The following DACH1 variants were observed in gnomAD, a reference collection of about 807,000 sequenced individuals.
DACH1 encodes the protein dachshund homolog 1.
Under a neutral mutation model 54.2 loss-of-function variants are expected in DACH1, and 12 were observed. The observed-to-expected ratio is 0.22, with a 90% CI of 0.14 to 0.36. DACH1 has a LOEUF of 0.36. Ranked by LOEUF, DACH1 falls within the 10% of genes least tolerant of loss-of-function variation. The probability of loss-of-function intolerance (pLI) is 1.00; values close to 1 mark genes in which losing one functional copy is unlikely to be tolerated. For missense variants in DACH1, 805 were observed against 929.8 expected (o/e 0.87, Z 1.75); for synonymous variants, 386 against 366.2 (o/e 1.05, Z -0.62).
chr13:71,700,560 C>A (rs535545147), intron 1 of DACH1, among the ~76,000 whole-genome samples: 4 of 98,240 alleles, frequency 4.1e-5, no homozygotes, highest in African/African-American at 2.0e-4. Flanking sequence ...TGCAAGACTC[C>A]ATCTCAAAAA....
intron 2 of DACH1, among the ~76,000 whole-genome samples, chr13:71,650,686 T>C (rs1878604539): frequency 6.6e-6 from 1 of 152,136 alleles, no homozygotes; most frequent in South Asian, 2.1e-4. Context: ...TAAGAGACTC[T>C]AAACTCTATT....
chr13:71,557,563 T>C (rs1022494207), intron 5 of DACH1, among the ~76,000 whole-genome samples: 4 of 152,042 alleles, frequency 2.6e-5, no homozygotes, highest in African/African-American at 9.7e-5. Context: ...ATTTGCATAG[T>C]CTTAAGATAT....
chr13:71,628,195 AGCT>A (rs1444686166), intron 3 of DACH1, among the ~76,000 whole-genome samples: 1 of 152,034 alleles, frequency 6.6e-6, no homozygotes, highest in Non-Finnish European at 1.5e-5. Flanking sequence ...TGGCCATCAA[AGCT>A]GCAATTCAGG....
rs559136037 is a variant in DACH1, at chr13:71,605,965, T to G, written c.1126+24591A>C. 2.6e-5 allele frequency among the ~76,000 whole-genome samples: 4 copies of G among 152,182 alleles called. No individual in the cohort carries two copies. In the East Asian group the frequency reaches 7.7e-4, roughly 29 times the overall value. ...GTTTGGTGGCACTTTGCAGCTATCA[T>G]GTGTTGAACTGGCAGAGTGACTCAC... On this transcript the variant is annotated intron_variant, in intron 3 of 10. Transcript: ENST00000613252.
intron 1 of DACH1, among the ~76,000 whole-genome samples, chr13:71,817,789 A>ATTTTCTTT (rs1888017387): frequency 7.5e-6 from 1 of 132,488 alleles, no homozygotes; most frequent in African/African-American, 2.8e-5. Context: ...GCTACTAAAT[A>ATTTTCTTT]TTTTCTTTCT....
intron 6 of DACH1, among the ~76,000 whole-genome samples, chr13:71,515,516 T>C (rs920200967): frequency 6.6e-6 from 1 of 151,932 alleles, no homozygotes; most frequent in Non-Finnish European, 1.5e-5. Flanking sequence ...TAACATTTGC[T>C]ATGATTTTGT....
chr13:71,781,466 C>A (rs1886374487), intron 1 of DACH1, among the ~76,000 whole-genome samples: 1 of 151,754 alleles, frequency 6.6e-6, no homozygotes, highest in Admixed American at 6.6e-5. Flanking sequence ...GCAAGCTCTG[C>A]CTCCTGGGTT....
At chr13:71,784,710 T>C (rs1886520186) in intron 1 of DACH1, among the ~76,000 whole-genome samples, 1 of 152,178 alleles carries the variant, frequency 6.6e-6, no homozygotes, top group African/African-American at 2.4e-5. Context: ...AGAAAAGTTT[T>C]GTCATTATGA....
At chr13:71,734,092 A>ATG (rs918421907) in intron 1 of DACH1, among the ~76,000 whole-genome samples, 2 of 146,908 alleles carry the variant, frequency 1.4e-5, no homozygotes, top group Non-Finnish European at 1.5e-5. Flanking sequence ...TTGAATATAT[A>ATG]TGTGTGTGTG....
intron 2 of DACH1, among the ~76,000 whole-genome samples, chr13:71,653,147 T>C (rs1216344143): frequency 6.6e-6 from 1 of 152,172 alleles, no homozygotes; most frequent in Admixed American, 6.5e-5. Flanking sequence ...TAATTTCTAT[T>C]ATTTGATGAC....
At position 71,833,500 on chromosome 13, in the gene DACH1, GTAGCATCA is replaced by G. The variant is rs1888669411; in HGVS notation, c.848+32414_848+32421del. 2.0e-5 allele frequency among the ~76,000 whole-genome samples: 3 copies of G among 151,954 alleles called. No homozygotes were observed. In the South Asian group the frequency reaches 6.2e-4, roughly 31 times the overall value. On this transcript the variant is annotated intron_variant, in intron 1 of 10. Transcript: ENST00000613252. ...AAACAGAGATTTATAAACATATTGT[GTAGCATCA>G]TAATTTTTTTTACAGTATCCTAATT... is the stretch of plus-strand genomic sequence containing the variant.
At chr13:71,503,176 G>A (rs928689866) in intron 6 of DACH1, among the ~76,000 whole-genome samples, 39 of 151,958 alleles carry the variant, frequency 2.6e-4, no homozygotes, top group Non-Finnish European at 5.6e-4. Context: ...ATATTACCAG[G>A]ATCATTTCAC....
chr13:71,511,107 A>G (rs1425097065), intron 6 of DACH1, among the ~76,000 whole-genome samples: 1 of 152,090 alleles, frequency 6.6e-6, no homozygotes, highest in Admixed American at 6.6e-5. Flanking sequence ...GAGCAATGCT[A>G]ACAGTAACAA....
chr13:71,690,892 A>C (rs1211353609), intron 1 of DACH1, among the ~76,000 whole-genome samples: 2 of 152,188 alleles, frequency 1.3e-5, no homozygotes, highest in African/African-American at 4.8e-5. Context: ...TGATCAAACC[A>C]CTGCACTCGA....
intron 1 of DACH1, among the ~76,000 whole-genome samples, chr13:71,864,481 A>C (rs73505544): frequency 6.6e-6 from 1 of 151,898 alleles, no homozygotes; most frequent in East Asian, 1.9e-4. Flanking sequence ...AAGTTTCCCT[A>C]TCTCTGCGGG....
At chr13:71,602,847 G>A (rs917113232) in intron 3 of DACH1, among the ~76,000 whole-genome samples, 4 of 151,864 alleles carry the variant, frequency 2.6e-5, no homozygotes, top group African/African-American at 9.7e-5. Context: ...TACTATCCCA[G>A]GGGGAGAGAA....
intron 1 of DACH1, among the ~76,000 whole-genome samples, chr13:71,865,140 G>C (rs2138304278): frequency 6.6e-6 from 1 of 152,138 alleles, no homozygotes; most frequent in South Asian, 2.1e-4. Flanking sequence ...CATCTGCCCC[G>C]GGGCCACCGT....
intron 1 of DACH1, among the ~76,000 whole-genome samples, chr13:71,834,128 A>G (rs990091016): frequency 6.6e-6 from 1 of 151,994 alleles, no homozygotes; most frequent in Admixed American, 6.6e-5. Flanking sequence ...TGGACAGAAA[A>G]AATCAATTAA....
intron 6 of DACH1, among the ~76,000 whole-genome samples, chr13:71,521,059 T>C (rs557935188): frequency 6.6e-6 from 1 of 152,142 alleles, no homozygotes; most frequent in African/African-American, 2.4e-5. Flanking sequence ...GCATGGGCTC[T>C]GGAGCCAAAC....
Sources: gnomAD v4.1 joint callset for allele counts (sites outside exome capture counted in the v4.1 genomes callset) on GRCh38, gnomAD v4.1.1 for gene constraint, MANE v1.5 for transcripts, NCBI Gene and HGNC (gene_info 2026-07-23, HGNC 2026-07-21) for gene names.